Variants in FER observed in about 807,000 individuals in gnomAD.
The protein encoded by FER is tyrosine-protein kinase Fer.
A neutral mutation model predicts 111.0 loss-of-function variants in FER; 63 were observed. That is an observed-to-expected ratio of 0.57 (90% CI 0.46 to 0.70). The LOEUF (loss-of-function observed/expected upper bound fraction) is 0.70. Among genes scored for constraint, FER ranks in the 30% least tolerant of loss-of-function variants. The probability of loss-of-function intolerance (pLI) is 0.00; values close to 1 mark genes in which losing one functional copy is unlikely to be tolerated. For synonymous variants in FER, 327 were observed against 313.9 expected (o/e 1.04, Z -0.44); for missense variants, 914 against 954.0 (o/e 0.96, Z 0.55).
chr5:108,848,252 TA>T (rs1762215670), intron 5 of FER, among the ~76,000 whole-genome samples: 1 of 152,228 alleles, frequency 6.6e-6, no homozygotes, highest in African/African-American at 2.4e-5. Context: ...GTAAACAGCA[TA>T]TAGTTATCTC....
At position 109,180,917 on chromosome 5, in the gene FER, A is replaced by ATT. The variant is rs149896807; in HGVS notation, c.2203+25_2203+26dup. The ATT allele has an allele frequency of 2.9e-5, 35 of 1,215,218 alleles. No homozygotes were observed. Among genetic ancestry groups the ATT allele is most frequent in the Admixed American group, 9.8e-5 (4 of 40,744 alleles). The allele number at this position is 1,215,218 out of a possible 1,614,324, so 75.3% of individuals were successfully genotyped here. A position where few individuals can be genotyped will look rare whatever the true frequency, so the allele number is the denominator to read the frequency against. ...CTTAATTATGGTAAGAATAGACCAC[A>ATT]TTTTTTTTTTAATGGTAAAAATGAA... is the stretch of plus-strand genomic sequence containing the variant. On this transcript the variant is annotated intron_variant, in intron 18 of 19. Transcript: ENST00000281092.
intron 13 of FER, among the ~76,000 whole-genome samples, chr5:109,029,903 G>A (rs2149856900): frequency 6.6e-6 from 1 of 152,186 alleles, no homozygotes; most frequent in South Asian, 2.1e-4. Flanking sequence ...ATTTCTTTAA[G>A]TACTCTTTCA....
chr5:108,970,523 A>G (rs1029394532), intron 13 of FER, among the ~76,000 whole-genome samples: 1 of 152,048 alleles, frequency 6.6e-6, no homozygotes, highest in African/African-American at 2.4e-5. Flanking sequence ...CCCAGCCTAT[A>G]CTTTATTTTT....
chr5:109,080,873 C>T (rs369997890), intron 16 of FER, among the ~76,000 whole-genome samples: 3 of 151,892 alleles, frequency 2.0e-5, no homozygotes, highest in South Asian at 2.1e-4. Flanking sequence ...CAACAGGTCA[C>T]GTATGCACAG....
chr5:109,025,898 C>T lies in FER; in HGVS notation c.1657-11524C>T, dbSNP rs1768659635. Among the ~76,000 whole-genome samples, 6 of 152,290 alleles carry T rather than the reference C, an allele frequency of 3.9e-5. No individual in the cohort carries two copies. The South Asian group carries it at 1.0e-3, about 26-fold the overall frequency. On this transcript the variant is annotated intron_variant, in intron 13 of 19. Transcript: ENST00000281092. ...TTTTCTAGCTGGCTATTTTTAGCCACTCAGTTGCCAGAACCTGAAAAGGGT... is the reference window on the plus strand; with the variant it reads ...TTTTCTAGCTGGCTATTTTTAGCCATTCAGTTGCCAGAACCTGAAAAGGGT...
chr5:109,052,351 A>G (rs1772954958), intron 16 of FER: 4 of 1,591,336 alleles, frequency 2.5e-6, no homozygotes, highest in South Asian at 2.2e-5. Flanking sequence ...TGTCTTCAGC[A>G]GCAGGATTTG....
At chr5:109,045,025 T>A (rs1771749180) in intron 15 of FER, among the ~76,000 whole-genome samples, 1 of 152,096 alleles carries the variant, frequency 6.6e-6, no homozygotes, top group African/African-American at 2.4e-5. Flanking sequence ...AATGTTAAGA[T>A]ATTTTGCTTT....
At chr5:109,139,305 C>T (rs114977079) in intron 17 of FER, among the ~76,000 whole-genome samples, 2,060 of 149,260 alleles carry the variant, frequency 0.014, 42 homozygotes, top group African/African-American at 0.048. Context: ...CCACCCTGTA[C>T]CCCTAAAAGG....
chr5:109,067,258 T>TTGTTGC (rs570570001), intron 16 of FER, among the ~76,000 whole-genome samples: 18 of 147,660 alleles, frequency 1.2e-4, no homozygotes, highest in Non-Finnish European at 2.4e-4. Flanking sequence ...GTTGTTGTTG[T>TTGTTGC]TGTTGCTGTT....
chr5:108,885,607 C>A (rs1354122256), intron 9 of FER, among the ~76,000 whole-genome samples: 3 of 151,776 alleles, frequency 2.0e-5, no homozygotes, highest in African/African-American at 7.3e-5. Flanking sequence ...CCTCACATGG[C>A]AGAAAGAGGG....
At chr5:108,749,459 C>T (rs1750197701) in intron 1 of FER, among the ~76,000 whole-genome samples, 1 of 151,998 alleles carries the variant, frequency 6.6e-6, no homozygotes, top group Admixed American at 6.5e-5. Flanking sequence ...TACCCTCACC[C>T]CTTTTCTCGG....
intron 10 of FER, among the ~76,000 whole-genome samples, chr5:108,915,367 G>A (rs915129489): frequency 5.9e-5 from 9 of 152,124 alleles, no homozygotes; most frequent in Non-Finnish European, 1.0e-4. Flanking sequence ...AGCTACTCGA[G>A]AGGCTGAGGC....
At chr5:108,914,781 A>G (rs542087801) in intron 10 of FER, among the ~76,000 whole-genome samples, 2 of 152,332 alleles carry the variant, frequency 1.3e-5, no homozygotes, top group African/African-American at 4.8e-5. Context: ...AATTTAGCCC[A>G]TTTCACAAAT....
intron 10 of FER, among the ~76,000 whole-genome samples, chr5:108,929,937 A>G (rs1329302678): frequency 6.6e-6 from 1 of 152,182 alleles, no homozygotes; most frequent in Non-Finnish European, 1.5e-5. Flanking sequence ...GATATGGCTG[A>G]ATGAGGCATT....
At chr5:108,853,956 T>C (rs1190590953) in intron 5 of FER, among the ~76,000 whole-genome samples, 1 of 152,140 alleles carries the variant, frequency 6.6e-6, no homozygotes, top group East Asian at 1.9e-4. Context: ...TTGCAGTAGT[T>C]TAGGCAAGGG....
At chr5:109,064,710 C>A (rs1018124427) in intron 16 of FER, among the ~76,000 whole-genome samples, 8 of 152,094 alleles carry the variant, frequency 5.3e-5, no homozygotes, top group Non-Finnish European at 1.0e-4. Context: ...GCATGGTGAG[C>A]AGGACAAAGC....
chr5:109,176,422 A>T (rs1238685642), intron 17 of FER, among the ~76,000 whole-genome samples: 1 of 152,138 alleles, frequency 6.6e-6, no homozygotes. Flanking sequence ...TATGGGAGCT[A>T]AAAAAATCGA....
chr5:108,794,257 G>GC (rs1755733814), intron 2 of FER, among the ~76,000 whole-genome samples: 1 of 128,450 alleles, frequency 7.8e-6, no homozygotes, highest in African/African-American at 3.0e-5. Context: ...CACTCTTGTT[G>GC]CCCAGGCTGG....
chr5:109,181,026 AT>A (rs1176787355), intron 18 of FER, 125 bp downstream of exon 18: 1 of 705,332 alleles, frequency 1.4e-6, no homozygotes. Context: ...ATCAACACAA[AT>A]AAGTGAATTT....
Sources: allele counts gnomAD v4.1 joint callset (sites outside exome capture counted in the v4.1 genomes callset), GRCh38; gene constraint gnomAD v4.1.1; transcripts MANE v1.5; gene names NCBI Gene and HGNC (gene_info 2026-07-23, HGNC 2026-07-21).